Variants in CCDC178 observed in about 807,000 individuals in gnomAD.
CCDC178 encodes coiled-coil domain-containing protein 178.
In CCDC178, 126 loss-of-function variants were observed where a neutral mutation model predicts 117.4. That is an observed-to-expected ratio of 1.07 (90% CI 0.93 to 1.24). CCDC178 has a LOEUF of 1.24. Among genes scored for constraint, CCDC178 ranks in the 50% most tolerant of loss-of-function variants. The probability of loss-of-function intolerance (pLI) is 0.00; values close to 1 mark genes in which losing one functional copy is unlikely to be tolerated. For missense variants in CCDC178, 1,030 were observed against 986.9 expected, an observed-to-expected ratio of 1.04 and a Z score of -0.59; for synonymous variants, 283 against 313.4, an observed-to-expected ratio of 0.90 and a Z score of 1.02.
chr18:33,393,539 T>C (rs928141122), intron 4 of CCDC178, among the ~76,000 whole-genome samples: 4 of 152,136 alleles, frequency 2.6e-5, no homozygotes, highest in Non-Finnish European at 5.9e-5. Context: ...TTTATCACCA[T>C]AGCTTAGTTT....
chr18:33,409,970 T>C (rs2063829183), intron 3 of CCDC178, among the ~76,000 whole-genome samples: 1 of 152,222 alleles, frequency 6.6e-6, no homozygotes, highest in South Asian at 2.1e-4. Context: ...CAGATGTCTA[T>C]ATCACAGAAG....
chr18:33,390,047 A>G (rs2063545994), intron 4 of CCDC178, among the ~76,000 whole-genome samples: 1 of 149,088 alleles, frequency 6.7e-6, no homozygotes, highest in South Asian at 2.1e-4. Context: ...TATCTTAATT[A>G]TGTTAACTAT....
chr18:33,129,910 T>A (rs1262859992), intron 20 of CCDC178, among the ~76,000 whole-genome samples: 1 of 151,992 alleles, frequency 6.6e-6, no homozygotes, highest in Non-Finnish European at 1.5e-5. Context: ...GAAAACTTAC[T>A]GTTTTATATA....
chr18:33,347,171 A>G (rs1422230945), intron 8 of CCDC178, among the ~76,000 whole-genome samples: 1 of 152,188 alleles, frequency 6.6e-6, no homozygotes, highest in Non-Finnish European at 1.5e-5. Flanking sequence ...ATAAACACTG[A>G]CTTTTGCCAA....
intron 5 of CCDC178, among the ~76,000 whole-genome samples, chr18:33,381,967 T>C (rs1478163317): frequency 1.3e-5 from 2 of 152,190 alleles, no homozygotes; most frequent in African/African-American, 4.8e-5. Flanking sequence ...GATATTCCAG[T>C]ATCTTGAATT....
intron 11 of CCDC178, among the ~76,000 whole-genome samples, chr18:33,296,916 C>T (rs139992722): frequency 6.6e-5 from 10 of 152,070 alleles, no homozygotes; most frequent in African/African-American, 9.6e-5. Context: ...CCCACCTACT[C>T]GGGAGGCTGA....
At chr18:33,049,281 T>A (rs573247895) in intron 21 of CCDC178, among the ~76,000 whole-genome samples, 1 of 152,120 alleles carries the variant, frequency 6.6e-6, no homozygotes, top group Non-Finnish European at 1.5e-5. Flanking sequence ...CTTATAAAGA[T>A]GTTAATAAAT....
intron 12 of CCDC178, among the ~76,000 whole-genome samples, chr18:33,268,351 T>C (rs934221762): frequency 1.3e-5 from 2 of 151,822 alleles, no homozygotes; most frequent in African/African-American, 2.4e-5. Flanking sequence ...GAAAATGATA[T>C]CTGAATTCAG....
intron 20 of CCDC178, among the ~76,000 whole-genome samples, chr18:33,159,906 C>G (rs1329894200): frequency 2.0e-5 from 3 of 152,040 alleles, no homozygotes; most frequent in Non-Finnish European, 4.4e-5. Flanking sequence ...ATACAGAAAA[C>G]TTCTAACAGG....
chr18:33,219,848 A>T (rs2059209989), intron 18 of CCDC178, among the ~76,000 whole-genome samples: 2 of 152,038 alleles, frequency 1.3e-5, no homozygotes, highest in Admixed American at 6.6e-5. Flanking sequence ...TGGGTGCAGC[A>T]TACCTACATG....
intron 2 of CCDC178, among the ~76,000 whole-genome samples, chr18:33,420,374 T>TA (rs1320024664): frequency 1.3e-5 from 2 of 152,110 alleles, no homozygotes; most frequent in African/African-American, 4.8e-5. Flanking sequence ...TTATTTTTTT[T>TA]ACACCAAGTC....
At chr18:32,955,343 G>T (rs531776576) in intron 22 of CCDC178, among the ~76,000 whole-genome samples, 1 of 152,270 alleles carries the variant, frequency 6.6e-6, no homozygotes, top group East Asian at 1.9e-4. Flanking sequence ...GTCATATGTA[G>T]ATATTTTAAT....
intron 22 of CCDC178, among the ~76,000 whole-genome samples, chr18:32,969,367 C>T (rs2054878507): frequency 6.6e-6 from 1 of 152,070 alleles, no homozygotes; most frequent in East Asian, 1.9e-4. Flanking sequence ...AACATCTTCC[C>T]TAATGCACCT....
chr18:33,008,156 G>A (rs560065572), intron 21 of CCDC178, among the ~76,000 whole-genome samples: 2 of 150,608 alleles, frequency 1.3e-5, no homozygotes, highest in African/African-American at 4.9e-5. Context: ...ACTAAAGTGG[G>A]CAAACCAATA....
chr18:33,377,292 T>C (rs1233791205), intron 5 of CCDC178, among the ~76,000 whole-genome samples: 1 of 149,668 alleles, frequency 6.7e-6, no homozygotes, highest in Non-Finnish European at 1.5e-5. Flanking sequence ...CTTAATAGGG[T>C]TGTTTTAAGC....
chr18:33,169,094 C>T (rs2058567300), intron 20 of CCDC178, among the ~76,000 whole-genome samples: 2 of 152,106 alleles, frequency 1.3e-5, no homozygotes, highest in Admixed American at 1.3e-4. Flanking sequence ...TCAAAACAGA[C>T]CATTTGGCCA....
At chr18:33,299,501 A>AC (rs2062148197) in intron 11 of CCDC178, among the ~76,000 whole-genome samples, 6 of 89,162 alleles carry the variant, frequency 6.7e-5, no homozygotes, top group Admixed American at 1.6e-4. Flanking sequence ...AAACTAGTAT[A>AC]AACACACACA....
At chr18:33,423,767 G>A (rs894364615) in intron 2 of CCDC178, among the ~76,000 whole-genome samples, 2 of 152,054 alleles carry the variant, frequency 1.3e-5, no homozygotes, top group East Asian at 1.9e-4. Context: ...AAAAGCATTC[G>A]TTGGGATCAT....
chr18:33,167,475 T>C lies in CCDC178; in HGVS notation c.2238+44421A>G, dbSNP rs187826414. Among the ~76,000 whole-genome samples the C allele has an allele frequency of 2.0e-5, 3 of 152,310 alleles. No individual in the cohort carries two copies. The East Asian group carries it at 5.8e-4, about 29-fold the overall frequency. Reference sequence around the variant, plus strand: ...CCATTCTGACCAGTATGAGACAGTATTTCATTGTGGTTTTGATTTACATTT... The same window carrying C: ...CCATTCTGACCAGTATGAGACAGTACTTCATTGTGGTTTTGATTTACATTT... On this transcript the variant is annotated intron_variant, in intron 20 of 22. Coordinates refer to ENST00000383096, the MANE Select transcript of CCDC178 (RefSeq NM_001105528.4).
Sources: allele counts gnomAD v4.1 joint callset (sites outside exome capture counted in the v4.1 genomes callset), GRCh38; gene constraint gnomAD v4.1.1; transcripts MANE v1.5; gene names NCBI Gene and HGNC (gene_info 2026-07-23, HGNC 2026-07-21).